LONRF1: variants seen among roughly 807,000 people sequenced by gnomAD.
The protein encoded by LONRF1 is LON peptidase N-terminal domain and RING finger protein 1.
Under a neutral mutation model 85.8 loss-of-function variants are expected in LONRF1, and 37 were observed. The observed-to-expected ratio is 0.43, with a 90% CI of 0.33 to 0.57. LONRF1 has a LOEUF of 0.57. LONRF1 is among the 20% of genes least tolerant of loss of function. The pLI is 0.04. For missense variants in LONRF1, 1,036 were observed against 978.0 expected, an observed-to-expected ratio of 1.06 and a Z score of -0.79; for synonymous variants, 517 against 390.1, an observed-to-expected ratio of 1.33 and a Z score of -3.83.
chr8:12,742,835 C>A (rs1421633083), intron 2 of LONRF1, among the ~76,000 whole-genome samples: 1 of 152,080 alleles, frequency 6.6e-6, no homozygotes, highest in Non-Finnish European at 1.5e-5. Context: ...CAGTGACCTT[C>A]CCACTTCAGC....
chr8:12,725,840 G>A lies in LONRF1; in HGVS notation c.2050C>T (p.His684Tyr). 1 of 1,613,142 alleles carries A rather than the reference G, an allele frequency of 6.2e-7. No individual in the cohort carries two copies. The highest frequency in any genetic ancestry group is 8.5e-7 in the Non-Finnish European group (1 of 1,179,546). The change falls in exon 11 of 12, where the codon CAT (histidine) becomes TAT (tyrosine). Residue 684 changes from histidine (H) to tyrosine (Y), a missense_variant. His to Tyr is a moderately conservative substitution (Grantham distance 83). Around this residue, in one of 3 missense-constraint regions of LONRF1, gnomAD observed 265 missense variants for 301.5 expected, o/e 0.88. Transcript: ENST00000398246. The stretch of plus-strand genomic sequence containing the variant: ...CAGGCTTGAGAGTAAACCAAATCAT[G>A]AAGCTCTCTGAGATTCTTAATCTCA... ...EDEIKNLREL[H>Y]DLVYSQACSW... is the part of the protein sequence containing the mutation.
rs564011958 is a variant in LONRF1 at position 12,736,642 on chromosome 8, C to T, written c.1451+59G>A. The T allele has an allele frequency of 6.7e-5, 75 of 1,114,242 alleles. 2 individuals carry two copies. The highest frequency in any genetic ancestry group is 5.3e-4 in the East Asian group (22 of 41,234). 69.0% of individuals were successfully genotyped at this position (1,114,242 alleles called of 1,614,324 possible). ...TTGTCTATTATTACCTTTATCTACA[C>T]GGTATTTTATGTATACTAACATAAA... On this transcript the variant is annotated intron_variant, in intron 6 of 11. Coordinates refer to ENST00000398246, the MANE Select transcript of LONRF1 (RefSeq NM_152271.5).
At chr8:12,754,214 A>C in intron 1 of LONRF1, 1 of 152,752 alleles carries the variant, frequency 6.5e-6, no homozygotes, top group Non-Finnish European at 1.5e-5. Flanking sequence ...TGAGGAAGGG[A>C]GACGCCGCCT....
At chr8:12,738,847 TCAAA>T (rs1410495243) in intron 3 of LONRF1, 2 of 152,190 alleles carry the variant, frequency 1.3e-5, no homozygotes, top group African/African-American at 4.8e-5. Context: ...TTTTTGGTGG[TCAAA>T]CAATCTGTAT....
intron 2 of LONRF1, 40 bp from the exon 3 acceptor site, chr8:12,741,036 ATTGCTTTTT>A: frequency 6.3e-7 from 1 of 1,599,226 alleles, no homozygotes; most frequent in Non-Finnish European, 8.5e-7. Context: ...TGTGTTAAGA[ATTGCTTTTT>A]AAAAAATCAT....
chr8:12,748,797 C>T (rs1799264681), intron 1 of LONRF1, among the ~76,000 whole-genome samples: 1 of 120,256 alleles, frequency 8.3e-6, no homozygotes. Context: ...AAAGGCTAAC[C>T]AGAATATCAA....
At chr8:12,742,789 G>A (rs1798988670) in intron 2 of LONRF1, among the ~76,000 whole-genome samples, 1 of 151,970 alleles carries the variant, frequency 6.6e-6, no homozygotes, top group Non-Finnish European at 1.5e-5. Flanking sequence ...GGAATGCAGT[G>A]GCACTTCAGT....
At chr8:12,745,407 C>A (rs1380327395) in intron 1 of LONRF1, among the ~76,000 whole-genome samples, 1 of 150,054 alleles carries the variant, frequency 6.7e-6, no homozygotes, top group East Asian at 2.0e-4. Flanking sequence ...GACCATCACA[C>A]TGATCTCAAA....
At chr8:12,741,262 T>A (rs1279007381) in intron 2 of LONRF1, among the ~76,000 whole-genome samples, 2 of 152,112 alleles carry the variant, frequency 1.3e-5, no homozygotes, top group African/African-American at 4.8e-5. Context: ...CATGCACCTG[T>A]AATCCCAGCT....
Position 12,747,666 on chromosome 8 carries a change from T to C in LONRF1, c.722-4384A>G, listed in dbSNP as rs10441666. ...GCAGAAATAAGGGACAAAAAGTAGA[T>C]TGGTTGTTTTAAAGTTGAAAACTTT... is the stretch of plus-strand genomic sequence containing the variant. On this transcript the variant is annotated intron_variant, in intron 1 of 11. Coordinates refer to ENST00000398246, the MANE Select transcript of LONRF1 (RefSeq NM_152271.5). Among the ~76,000 whole-genome samples the C allele has an allele frequency of 7.6e-3, 1,152 of 152,254 alleles. 15 individuals are homozygous for C. Among genetic ancestry groups the C allele is most frequent in the African/African-American group, 0.026 (1,100 of 41,552 alleles).
intron 10 of LONRF1, among the ~76,000 whole-genome samples, chr8:12,726,502 A>G (rs534887972): frequency 3.2e-4 from 48 of 152,374 alleles, no homozygotes; most frequent in Non-Finnish European, 6.2e-4. Flanking sequence ...GGAACCCCTC[A>G]GTGTATTCTT....
At chr8:12,748,806 A>ATTT (rs1799265406) in intron 1 of LONRF1, among the ~76,000 whole-genome samples, 27 of 15,552 alleles carry the variant, frequency 1.7e-3, no homozygotes, top group African/African-American at 2.4e-3. Flanking sequence ...CCAGAATATC[A>ATTT]ATTTTTTTTT....
chr8:12,740,930 G>C lies in LONRF1; in HGVS notation c.907C>G (p.Leu303Val), dbSNP rs1420499404. 2.5e-6 allele frequency: 4 copies of C among 1,613,590 alleles called. No individual in the cohort carries two copies. The highest frequency in any genetic ancestry group is 1.1e-5 in the South Asian group (1 of 91,080). Residue 303 changes from leucine to valine, a missense_variant, in exon 3 of 12, where the codon CTT becomes GTT. Leu to Val is a conservative substitution (Grantham distance 32, BLOSUM62 1). Around this residue, in one of 3 missense-constraint regions of LONRF1, gnomAD observed 742 missense variants for 614.4 expected, o/e 1.21. Coordinates refer to ENST00000398246, the MANE Select transcript of LONRF1 (RefSeq NM_152271.5). ...GFLGDALQLF[L>V]QCLALDEDFA... Reference sequence around the variant, plus strand: ...TCTTCATCAAGGGCTAAGCACTGAAGAAAGAGTTGTAAGGCATCACCTAAA... The same window carrying C: ...TCTTCATCAAGGGCTAAGCACTGAACAAAGAGTTGTAAGGCATCACCTAAA...
chr8:12,732,106 T>C (rs1798549575), intron 7 of LONRF1, among the ~76,000 whole-genome samples: 1 of 152,216 alleles, frequency 6.6e-6, no homozygotes, highest in Admixed American at 6.5e-5. Flanking sequence ...CTTCCTGCTG[T>C]GACCACAGCT....
At chr8:12,741,029 G>T in intron 2 of LONRF1, 33 bp from the exon 3 acceptor site, 1 of 1,602,244 alleles carries the variant, frequency 6.2e-7, no homozygotes, top group South Asian at 1.1e-5. Flanking sequence ...AAACCTTTGT[G>T]TTAAGAATTG....
chr8:12,740,327 C>A (rs1174134666), intron 3 of LONRF1, among the ~76,000 whole-genome samples: 2 of 152,198 alleles, frequency 1.3e-5, no homozygotes, highest in Admixed American at 1.3e-4. Flanking sequence ...ACCTAATTAA[C>A]TTGGCTTAAC....
At chr8:12,733,456 A>C (rs887337166) in intron 7 of LONRF1, among the ~76,000 whole-genome samples, 3 of 152,180 alleles carry the variant, frequency 2.0e-5, no homozygotes, top group African/African-American at 7.2e-5. Flanking sequence ...CTTATTTAAG[A>C]AAAGCAAAAC....
At chr8:12,752,141 T>A (rs1799432439) in intron 1 of LONRF1, among the ~76,000 whole-genome samples, 1 of 152,232 alleles carries the variant, frequency 6.6e-6, no homozygotes, top group South Asian at 2.1e-4. Context: ...ATAAGAATTA[T>A]ACGAAGAAAT....
intron 6 of LONRF1, among the ~76,000 whole-genome samples, chr8:12,735,870 A>G (rs1238309461): frequency 6.6e-6 from 1 of 152,242 alleles, no homozygotes; most frequent in Non-Finnish European, 1.5e-5. Flanking sequence ...TAAGACCCTT[A>G]TGATATAAAA....
Sources: allele counts gnomAD v4.1 joint callset (sites outside exome capture counted in the v4.1 genomes callset), GRCh38; gene constraint gnomAD v4.1.1; regional missense constraint gnomAD v4.1.1; transcripts MANE v1.5; gene names NCBI Gene and HGNC (gene_info 2026-07-23, HGNC 2026-07-21).